The following HTR4 variants were observed in gnomAD, a reference collection of about 807,000 sequenced individuals.
The protein encoded by HTR4 is 5-hydroxytryptamine receptor 4, also known as 5-hydroxytryptamine (serotonin) receptor 4, G protein-coupled.
In HTR4, 16 loss-of-function variants were observed where a neutral mutation model predicts 36.8. The observed-to-expected ratio is 0.43, with a 90% CI of 0.29 to 0.66. The LOEUF is 0.66. HTR4 is among the 30% of genes least tolerant of loss of function. The probability of loss-of-function intolerance (pLI) is 0.13; values close to 1 mark genes in which losing one functional copy is unlikely to be tolerated. For missense variants in HTR4, 438 were observed against 490.9 expected (o/e 0.89, Z 1.02); for synonymous variants, 189 against 185.1 (o/e 1.02, Z -0.17).
chr5:148,550,852 C>G (rs988032305), intron 2 of HTR4, among the ~76,000 whole-genome samples: 8 of 152,104 alleles, frequency 5.3e-5, no homozygotes, highest in Non-Finnish European at 7.4e-5. Context: ...ATATAGAGCC[C>G]TAGCATCACC....
intron 2 of HTR4, among the ~76,000 whole-genome samples, chr5:148,593,235 G>A (rs1428528135): frequency 6.6e-6 from 1 of 152,162 alleles, no homozygotes; most frequent in African/African-American, 2.4e-5. Flanking sequence ...GGTTCAGTGT[G>A]TGTCCCTTCA....
chr5:148,605,551 C>T (rs555156854), intron 2 of HTR4, among the ~76,000 whole-genome samples: 48 of 152,024 alleles, frequency 3.2e-4, no homozygotes, highest in African/African-American at 1.1e-3. Context: ...AGCCACCATG[C>T]CCGGCCTCAC....
chr5:148,534,846 A>G (rs1026819904), intron 4 of HTR4, among the ~76,000 whole-genome samples: 4 of 151,956 alleles, frequency 2.6e-5, no homozygotes, highest in Admixed American at 6.6e-5. Context: ...CACAACCACT[A>G]CTAAGGTCCC....
At chr5:148,609,124 C>T (rs921941851) in intron 2 of HTR4, among the ~76,000 whole-genome samples, 3 of 152,134 alleles carry the variant, frequency 2.0e-5, no homozygotes, top group African/African-American at 7.2e-5. Context: ...TGGGGACCCC[C>T]TCGTTGCCTA....
chr5:148,593,914 C>T (rs781499678), intron 2 of HTR4, among the ~76,000 whole-genome samples: 47 of 152,104 alleles, frequency 3.1e-4, no homozygotes, highest in Non-Finnish European at 5.9e-4. Flanking sequence ...TTTTTATATG[C>T]TAGAGAAATC....
At chr5:148,570,237 A>C (rs1760619690) in intron 2 of HTR4, among the ~76,000 whole-genome samples, 2 of 152,096 alleles carry the variant, frequency 1.3e-5, no homozygotes, top group Non-Finnish European at 2.9e-5. Flanking sequence ...CACCAACTTA[A>C]TCATATCTAG....
intron 6 of HTR4, among the ~76,000 whole-genome samples, chr5:148,505,965 T>C (rs1225605730): frequency 6.6e-6 from 1 of 152,114 alleles, no homozygotes; most frequent in Non-Finnish European, 1.5e-5. Flanking sequence ...AATTTATAAA[T>C]TCAATGCCAT....
At position 148,598,533 on chromosome 5, in the gene HTR4, C is replaced by T. The variant is rs1020712361; in HGVS notation, c.26+38456G>A. On this transcript the variant is annotated intron_variant, in intron 2 of 6. Transcript: ENST00000377888. ...TACCACTGCACTCCAGCCTGGGTGA[C>T]AGAGTGAGACTCTGTCTAAAAAAAA... Among the ~76,000 whole-genome samples the T allele has an allele frequency of 8.6e-5, 13 of 151,712 alleles. No individual in the cohort carries two copies. In the East Asian group the frequency reaches 2.5e-3, roughly 29 times the overall value.
At chr5:148,626,322 A>C (rs1336854384) in intron 2 of HTR4, among the ~76,000 whole-genome samples, 1 of 152,186 alleles carries the variant, frequency 6.6e-6, no homozygotes, top group Admixed American at 6.5e-5. Context: ...ATTTTATCTT[A>C]TCCTCTACTA....
At chr5:148,610,939 G>A (rs1025629576) in intron 2 of HTR4, among the ~76,000 whole-genome samples, 1 of 150,676 alleles carries the variant, frequency 6.6e-6, no homozygotes, top group Non-Finnish European at 1.5e-5. Context: ...AATGGAAGAT[G>A]AAATGAATGA....
chr5:148,529,560 T>G (rs1009819296), intron 4 of HTR4, among the ~76,000 whole-genome samples: 1 of 152,244 alleles, frequency 6.6e-6, no homozygotes, highest in East Asian at 1.9e-4. Context: ...GTGAGTCCAT[T>G]GAATCTCTTT....
intron 4 of HTR4, among the ~76,000 whole-genome samples, chr5:148,547,566 T>TAAAATAAAATAAAA (rs368015401): frequency 5.5e-4 from 62 of 113,302 alleles, no homozygotes; most frequent in Non-Finnish European, 1.1e-3. Flanking sequence ...TAAAATAAAA[T>TAAAATAAAATAAAA]AAATAAATAA....
chr5:148,478,615 T>C (rs1581354223), downstream of HTR4, among the ~76,000 whole-genome samples: 1 of 152,108 alleles, frequency 6.6e-6, no homozygotes, highest in African/African-American at 2.4e-5. Context: ...GTCCAGCGAT[T>C]GGGCTTTAGG....
chr5:148,507,566 A>G (rs1757285616), intron 6 of HTR4, among the ~76,000 whole-genome samples: 1 of 132,708 alleles, frequency 7.5e-6, no homozygotes. Context: ...CTCATACCAT[A>G]TAAGTTTCTT....
At chr5:148,626,447 G>A (rs1380187241) in intron 2 of HTR4, among the ~76,000 whole-genome samples, 5 of 152,094 alleles carry the variant, frequency 3.3e-5, no homozygotes, top group Non-Finnish European at 7.4e-5. Context: ...TAACCCTAAT[G>A]AGTCATAAAG....
At chr5:148,455,932 G>A (rs927962727) in intron 5 of HTR4, among the ~76,000 whole-genome samples, 3 of 152,070 alleles carry the variant, frequency 2.0e-5, no homozygotes, top group Non-Finnish European at 4.4e-5. Context: ...AGGAGGAGGA[G>A]GATGAAGAGG....
intron 1 of HTR4, among the ~76,000 whole-genome samples, chr5:148,639,774 C>T (rs2127310272): frequency 6.6e-6 from 1 of 151,888 alleles, no homozygotes; most frequent in East Asian, 1.9e-4. Context: ...ATTGTGTCCT[C>T]ATCATAGATA....
intron 5 of HTR4, among the ~76,000 whole-genome samples, chr5:148,518,742 C>T (rs920004624): frequency 6.6e-6 from 1 of 152,132 alleles, no homozygotes; most frequent in African/African-American, 2.4e-5. Flanking sequence ...TAGGCCATTC[C>T]TTGAACTACC....
intron 4 of HTR4, among the ~76,000 whole-genome samples, chr5:148,539,539 C>T (rs1454161626): frequency 6.6e-6 from 1 of 152,114 alleles, no homozygotes; most frequent in Non-Finnish European, 1.5e-5. Flanking sequence ...AGTCAAACAA[C>T]CCCATTAAAA....
Sources: allele counts gnomAD v4.1 joint callset (sites outside exome capture counted in the v4.1 genomes callset), GRCh38; gene constraint gnomAD v4.1.1; transcripts MANE v1.5; gene names NCBI Gene and HGNC (gene_info 2026-07-23, HGNC 2026-07-21).